ADGRL3: variants seen among roughly 807,000 people sequenced by gnomAD.
The protein encoded by ADGRL3 is calcium-independent alpha-latrotoxin receptor 3.
A neutral mutation model predicts 153.5 loss-of-function variants in ADGRL3; 62 were observed. The ratio of observed to expected loss-of-function variants is 0.40; its 90% CI spans 0.33 to 0.50. The LOEUF (loss-of-function observed/expected upper bound fraction) is 0.50, where lower values mean the gene tolerates loss of function less well. Among genes scored for constraint, ADGRL3 ranks in the 20% least tolerant of loss-of-function variants. The pLI is 0.47. For missense variants in ADGRL3, 1,641 were observed against 1,859.4 expected (o/e 0.88, Z 2.16); for synonymous variants, 710 against 672.5 (o/e 1.06, Z -0.86).
intron 5 of ADGRL3, among the ~76,000 whole-genome samples, chr4:61,606,609 C>T (rs547775330): frequency 1.2e-4 from 19 of 152,174 alleles, no homozygotes; most frequent in Admixed American, 4.6e-4. Flanking sequence ...TATTTAACCT[C>T]GTTTAGTCTT....
At chr4:61,717,046 G>A (rs1228083184) in intron 6 of ADGRL3, among the ~76,000 whole-genome samples, 1 of 152,148 alleles carries the variant, frequency 6.6e-6, no homozygotes, top group African/African-American at 2.4e-5. Flanking sequence ...ATGTTAAGGA[G>A]AGACTTGCGG....
intron 1 of ADGRL3, among the ~76,000 whole-genome samples, chr4:61,330,908 A>C (rs1056043618): frequency 6.6e-6 from 1 of 152,068 alleles, no homozygotes; most frequent in African/African-American, 2.4e-5. Flanking sequence ...CCAAGCCCCT[A>C]CTCAACCCAG....
In ADGRL3 at chr4:61,256,066, C is replaced by T. The variant is rs541808424; in HGVS notation, c.-240+54301C>T. The stretch of plus-strand genomic sequence containing the variant: ...CCTTTCAAAAAATATGGTCTTTAGT[C>T]AAAGGGTCCAGGGGACTGAAACACT... On this transcript the variant is annotated intron_variant, in intron 1 of 26. Coordinates refer to ENST00000683033, the MANE Select transcript of ADGRL3 (RefSeq NM_001387552.1). 2.0e-5 allele frequency among the ~76,000 whole-genome samples: 3 copies of T among 152,244 alleles called. No individual in the cohort carries two copies. The East Asian group carries it at 5.8e-4, about 29-fold the overall frequency.
At chr4:61,894,346 A>G (rs1353209850) in intron 10 of ADGRL3, among the ~76,000 whole-genome samples, 1 of 152,124 alleles carries the variant, frequency 6.6e-6, no homozygotes, top group African/African-American at 2.4e-5. Context: ...ACCAAAGGGT[A>G]TCTTGGTTTT....
intron 19 of ADGRL3, among the ~76,000 whole-genome samples, chr4:61,993,453 G>A (rs1467515776): frequency 2.7e-5 from 4 of 150,882 alleles, no homozygotes; most frequent in African/African-American, 7.3e-5. Context: ...CACCAGGTCC[G>A]GCTAATTTTT....
intron 1 of ADGRL3, among the ~76,000 whole-genome samples, chr4:61,286,929 T>G (rs1416099347): frequency 6.6e-6 from 1 of 151,644 alleles, no homozygotes; most frequent in Non-Finnish European, 1.5e-5. Flanking sequence ...TTTTTAAATT[T>G]TTGGTTATCA....
At chr4:61,905,312 C>T (rs184870527) in intron 11 of ADGRL3, among the ~76,000 whole-genome samples, 192 of 152,152 alleles carry the variant, frequency 1.3e-3, no homozygotes, top group African/African-American at 4.2e-3. Flanking sequence ...TTTTAGAATG[C>T]GTTACTTGAT....
rs761209635 is a variant in ADGRL3, at chr4:61,998,285, G to A, written c.3395+20G>A. On this transcript the variant is annotated intron_variant, in intron 21 of 26. Transcript: ENST00000683033. ...CATCAAGTAAGTGATTTTTATTTTTGTTTTCTATAGGTTGTGTTACATTTA... is the reference window on the plus strand; with the variant it reads ...CATCAAGTAAGTGATTTTTATTTTTATTTTCTATAGGTTGTGTTACATTTA... The A allele has an allele frequency of 1.5e-6, 2 of 1,327,508 alleles. No homozygotes were observed. The highest frequency in any genetic ancestry group is 2.7e-5 in the South Asian group (2 of 73,332). The allele number at this position is 1,327,508 out of a possible 1,614,324, so 82.2% of individuals were successfully genotyped here. A position where few individuals can be genotyped will look rare whatever the true frequency, so the allele number is the denominator to read the frequency against.
At chr4:61,615,650 GA>G (rs767198075) in intron 5 of ADGRL3, among the ~76,000 whole-genome samples, 1 of 151,734 alleles carries the variant, frequency 6.6e-6, no homozygotes, top group South Asian at 2.1e-4. Flanking sequence ...CTCTGATGGA[GA>G]AAAAGAAAGG....
chr4:61,413,558 C>T (rs2097111819), intron 2 of ADGRL3, among the ~76,000 whole-genome samples: 1 of 152,034 alleles, frequency 6.6e-6, no homozygotes, highest in Non-Finnish European at 1.5e-5. Context: ...GTGGGTGAGG[C>T]TAAAGTTTTC....
At chr4:61,601,678 C>T (rs2099012325) in intron 5 of ADGRL3, among the ~76,000 whole-genome samples, 1 of 152,188 alleles carries the variant, frequency 6.6e-6, no homozygotes, top group South Asian at 2.1e-4. Flanking sequence ...TTAATTTTCT[C>T]TATCATACCT....
intron 2 of ADGRL3, among the ~76,000 whole-genome samples, chr4:61,449,108 T>C (rs921708271): frequency 6.6e-6 from 1 of 151,940 alleles, no homozygotes; most frequent in African/African-American, 2.4e-5. Flanking sequence ...GTCCTTTTAT[T>C]TTTTCCTTTT....
chr4:61,445,717 TGA>T (rs2097574826), intron 2 of ADGRL3, among the ~76,000 whole-genome samples: 1 of 152,214 alleles, frequency 6.6e-6, no homozygotes, highest in Non-Finnish European at 1.5e-5. Flanking sequence ...AGCTCTCAGT[TGA>T]GTCACATTTC....
intron 2 of ADGRL3, among the ~76,000 whole-genome samples, chr4:61,485,984 C>T (rs2098188231): frequency 1.3e-5 from 2 of 151,796 alleles, no homozygotes; most frequent in African/African-American, 4.8e-5. Flanking sequence ...CGCTCTGTCG[C>T]CCCGGCTGGA....
intron 6 of ADGRL3, among the ~76,000 whole-genome samples, chr4:61,715,947 T>TAAA (rs59481591): frequency 1.3e-4 from 11 of 85,376 alleles, no homozygotes; most frequent in East Asian, 5.8e-4. Flanking sequence ...GCCCTTAAAG[T>TAAA]AAAAAAAAAA....
At chr4:62,050,945 T>G (rs965780882) in intron 25 of ADGRL3, among the ~76,000 whole-genome samples, 1 of 151,790 alleles carries the variant, frequency 6.6e-6, no homozygotes, top group African/African-American at 2.4e-5. Flanking sequence ...CTGATATGAA[T>G]GCAAATATAA....
At chr4:61,791,120 A>G (rs1388928084) in intron 8 of ADGRL3, among the ~76,000 whole-genome samples, 1 of 152,174 alleles carries the variant, frequency 6.6e-6, no homozygotes, top group African/African-American at 2.4e-5. Context: ...ATGCCTTCCC[A>G]GCAGTCTCCC....
intron 5 of ADGRL3, among the ~76,000 whole-genome samples, chr4:61,616,334 A>C (rs1223636574): frequency 2.6e-5 from 4 of 152,216 alleles, no homozygotes; most frequent in African/African-American, 9.6e-5. Context: ...ATATAATTTA[A>C]AGCCATTAAT....
At chr4:61,749,434 A>G (rs1253400644) in intron 8 of ADGRL3, among the ~76,000 whole-genome samples, 1 of 152,100 alleles carries the variant, frequency 6.6e-6, no homozygotes, top group Non-Finnish European at 1.5e-5. Context: ...GGCACTATGC[A>G]CAATAGCAAA....
Sources: allele counts gnomAD v4.1 joint callset (sites outside exome capture counted in the v4.1 genomes callset), GRCh38; gene constraint gnomAD v4.1.1; transcripts MANE v1.5; gene names NCBI Gene and HGNC (gene_info 2026-07-23, HGNC 2026-07-21).